Variants in TMPRSS6 observed in about 807,000 individuals in gnomAD.
TMPRSS6 encodes transmembrane protease serine 6.
A neutral mutation model predicts 101.5 loss-of-function variants in TMPRSS6; 67 were observed. The ratio of observed to expected loss-of-function variants is 0.66; its 90% CI spans 0.54 to 0.81. The LOEUF (loss-of-function observed/expected upper bound fraction) is 0.81, where lower values mean the gene tolerates loss of function less well. TMPRSS6 is among the 30% of genes least tolerant of loss of function. TMPRSS6 has a pLI of 0.00. For missense variants in TMPRSS6, 1,034 were observed against 1,088.7 expected, an observed-to-expected ratio of 0.95 and a Z score of 0.71; for synonymous variants, 453 against 464.9, an observed-to-expected ratio of 0.97 and a Z score of 0.33.
At chr22:37,098,655 G>A in intron 2 of TMPRSS6, 106 bp from the exon 3 acceptor site, 1 of 1,478,856 alleles carries the variant, frequency 6.8e-7, no homozygotes, top group African/African-American at 1.4e-5. Flanking sequence ...CAGCCTCAGT[G>A]TCTTGGGTCT....
chr22:37,086,172 C>T (rs910736909), intron 8 of TMPRSS6, 111 bp downstream of exon 8: 21 of 1,462,872 alleles, frequency 1.4e-5, no homozygotes, highest in Non-Finnish European at 1.9e-5. Flanking sequence ...AATCTTCCCT[C>T]TCCCCATCCC....
At chr22:37,100,258 G>A (rs888335679) in intron 2 of TMPRSS6, among the ~76,000 whole-genome samples, 6 of 152,248 alleles carry the variant, frequency 3.9e-5, no homozygotes, top group South Asian at 2.1e-4. Flanking sequence ...TGAGCCACGC[G>A]CCTGGCCCCA....
chr22:37,071,897 G>C (rs1926945433), intron 13 of TMPRSS6, among the ~76,000 whole-genome samples: 1 of 152,188 alleles, frequency 6.6e-6, no homozygotes, highest in African/African-American at 2.4e-5. Context: ...TGGGTGGATG[G>C]ATGGGTGGAT....
At chr22:37,079,671 G>A (rs1928107190) in intron 10 of TMPRSS6, among the ~76,000 whole-genome samples, 2 of 152,228 alleles carry the variant, frequency 1.3e-5, no homozygotes, top group African/African-American at 4.8e-5. Context: ...GTGACCTTGG[G>A]TCACCCTCAG....
chr22:37,095,513 C>G, intron 6 of TMPRSS6, 38 bp downstream of exon 6: 1 of 1,608,746 alleles, frequency 6.2e-7, no homozygotes, highest in South Asian at 1.1e-5. Context: ...AATGCCAACT[C>G]AAAAGGAAAA....
chr22:37,094,663 T>A (rs561703365), intron 6 of TMPRSS6, among the ~76,000 whole-genome samples: 1 of 152,234 alleles, frequency 6.6e-6, no homozygotes, highest in Admixed American at 6.5e-5. Context: ...TCTATCTTTG[T>A]ATGAGAATCA....
chr22:37,093,384 C>CTTTTT lies in TMPRSS6; in HGVS notation c.631+2162_631+2166dup, dbSNP rs67659825. Among the ~76,000 whole-genome samples the CTTTTT allele has an allele frequency of 4.3e-3, 352 of 82,590 alleles. 7 individuals carry two copies. The highest frequency in any genetic ancestry group is 4.8e-3 in the Non-Finnish European group (220 of 45,678). The allele number at this position is 82,590 out of a possible 152,430, so 54.2% of individuals were successfully genotyped here. On this transcript the variant is annotated intron_variant, in intron 6 of 17. Coordinates refer to ENST00000676104, the MANE Select transcript of TMPRSS6 (RefSeq NM_001374504.1). ...ACCTTTTCCTTTCCTTTCTTTCTTT[C>CTTTTT]TTTTTTTTTTTTTTTTTTTTTTTTT...
intron 6 of TMPRSS6, among the ~76,000 whole-genome samples, chr22:37,094,166 T>G (rs1488850245): frequency 1.3e-5 from 2 of 152,130 alleles, no homozygotes; most frequent in East Asian, 3.9e-4. Context: ...AGGAGTAATA[T>G]CTCTGACTTA....
At chr22:37,066,735 A>C in intron 17 of TMPRSS6, 91 bp downstream of exon 17, 1 of 1,567,992 alleles carries the variant, frequency 6.4e-7, no homozygotes, top group African/African-American at 1.4e-5. Context: ...GGGAGGCTTC[A>C]GCAGGCTGAT....
intron 1 of TMPRSS6, among the ~76,000 whole-genome samples, chr22:37,108,967 C>T (rs899224200): frequency 2.0e-5 from 3 of 152,132 alleles, no homozygotes; most frequent in Non-Finnish European, 2.9e-5. Flanking sequence ...GAGGGATATA[C>T]GCACATCTAT....
chr22:37,084,142 C>T, intron 10 of TMPRSS6, 153 bp downstream of exon 10: 2 of 716,618 alleles, frequency 2.8e-6, no homozygotes, highest in Non-Finnish European at 5.0e-6. Context: ...TCAAGGGCAA[C>T]AGGCCTGACA....
chr22:37,098,446 G>T lies in TMPRSS6; in HGVS notation c.306C>A (p.Phe102Leu). 6.2e-7 allele frequency: 1 copy of T among 1,613,994 alleles called. No homozygotes were observed. The highest frequency in any genetic ancestry group is 8.5e-7 in the Non-Finnish European group (1 of 1,180,012). The change falls in exon 3 of 18, where the codon TTC becomes TTA. Residue 102 changes from phenylalanine (F) to leucine (L), a missense_variant. Physicochemically the swap from Phe to Leu is conservative, Grantham distance 22. Coordinates refer to ENST00000676104, the MANE Select transcript of TMPRSS6 (RefSeq NM_001374504.1). ...QDLTRRESSA[F>L]RSETAKAQKM... is the part of the protein sequence containing the mutation. Reference sequence around the variant, plus strand: ...TCTGGGCTTTGGCGGTTTCACTGCGGAAGGCACTAGATTCCCGGCGGGTAA... The same window carrying T: ...TCTGGGCTTTGGCGGTTTCACTGCGTAAGGCACTAGATTCCCGGCGGGTAA...
At chr22:37,075,630 C>T in intron 10 of TMPRSS6, among the ~76,000 whole-genome samples, 1 of 152,194 alleles carries the variant, frequency 6.6e-6, no homozygotes, top group East Asian at 1.9e-4. Flanking sequence ...TGGCTGGGCG[C>T]AGTGGCTCAC....
At chr22:37,084,582 T>C (rs1281031754) in intron 9 of TMPRSS6, 145 bp downstream of exon 9, 6 of 843,142 alleles carry the variant, frequency 7.1e-6, no homozygotes, top group Non-Finnish European at 1.2e-5. Flanking sequence ...CACAGCCCTC[T>C]CCACCCTGGC....
rs182028969 is a variant in TMPRSS6, at chr22:37,101,352, A to G, written c.202+1864T>C. The stretch of plus-strand genomic sequence containing the variant: ...ACATAAAACTCTTGCCTGGGAGAGC[A>G]GGAAAGGGAAAGGACCCAGGAAATA... On this transcript the variant is annotated intron_variant, in intron 2 of 17. Transcript: ENST00000676104. The surrounding 1 kb of genome is among the most constrained non-coding windows in gnomAD (Gnocchi z 4.1). 5.3e-5 allele frequency among the ~76,000 whole-genome samples: 8 copies of G among 152,182 alleles called. No individual in the cohort carries two copies. Among genetic ancestry groups the G allele is most frequent in the Admixed American group, 3.3e-4 (5 of 15,290 alleles).
intron 8 of TMPRSS6, among the ~76,000 whole-genome samples, 182 bp from the exon 9 acceptor site, chr22:37,085,021 C>A (rs1177599608): frequency 1.3e-5 from 2 of 152,182 alleles, no homozygotes; most frequent in Non-Finnish European, 2.9e-5. Context: ...ATAGCACACA[C>A]CTCATAGGGT....
chr22:37,072,838 TGATG>T (rs777111682), intron 13 of TMPRSS6, among the ~76,000 whole-genome samples: 8 of 125,088 alleles, frequency 6.4e-5, no homozygotes, highest in Non-Finnish European at 1.0e-4. Context: ...GATAGACGGA[TGATG>T]GATGGATGGA....
At chr22:37,099,970 T>C (rs1239469033) in intron 2 of TMPRSS6, among the ~76,000 whole-genome samples, 1 of 152,092 alleles carries the variant, frequency 6.6e-6, no homozygotes, top group African/African-American at 2.4e-5. Context: ...TTTGTTTTTG[T>C]TTTGTTTTGT....
chr22:37,103,860 A>T lies in TMPRSS6; in HGVS notation c.-1-442T>A, dbSNP rs1279605660. Among the ~76,000 whole-genome samples the T allele has an allele frequency of 6.6e-6, 1 of 151,988 alleles. No homozygotes were observed. The highest frequency in any genetic ancestry group is 1.5e-5 in the Non-Finnish European group (1 of 67,984). ...TCTTGCTCCTGGTTCTGGTTCACGG[A>T]GCTTCCCACCACGCCCACACAGTCC... On this transcript the variant is annotated intron_variant, in intron 1 of 17. Transcript: ENST00000676104. The surrounding 1 kb of genome is among the most constrained non-coding windows in gnomAD (Gnocchi z 4.4).
Sources: allele counts gnomAD v4.1 joint callset (sites outside exome capture counted in the v4.1 genomes callset), GRCh38; gene constraint gnomAD v4.1.1; non-coding constraint Gnocchi (gnomAD v3.1); transcripts MANE v1.5; gene names NCBI Gene and HGNC (gene_info 2026-07-23, HGNC 2026-07-21).